The following SLC10A1 variants were observed in gnomAD, a reference collection of about 807,000 sequenced individuals.
SLC10A1 encodes solute carrier family 10 member 1.
Under a neutral mutation model 20.5 loss-of-function variants are expected in SLC10A1, and 36 were observed. The observed-to-expected ratio is 1.75, with a 90% CI of 1.34 to 2.32. The LOEUF (loss-of-function observed/expected upper bound fraction) is 2.32. SLC10A1 is among the 30% of genes most tolerant of loss of function. The probability of loss-of-function intolerance (pLI) is 0.00; values close to 1 mark genes in which losing one functional copy is unlikely to be tolerated. For missense variants in SLC10A1, 545 were observed against 439.1 expected (o/e 1.24, Z -2.16); for synonymous variants, 188 against 163.6 (o/e 1.15, Z -1.14).
intron 1 of SLC10A1, among the ~76,000 whole-genome samples, chr14:69,789,242 C>G (rs923513378): frequency 1.3e-5 from 2 of 152,186 alleles, no homozygotes; most frequent in African/African-American, 4.8e-5. Flanking sequence ...CATGTTCACA[C>G]AAAAACTTGC....
chr14:69,777,793 C>T (rs777216784), intron 4 of SLC10A1, among the ~76,000 whole-genome samples: 6 of 151,014 alleles, frequency 4.0e-5, no homozygotes, highest in Admixed American at 1.3e-4. Flanking sequence ...GTTTAACAAC[C>T]GTATGCTTAA....
At position 69,778,833 on chromosome 14, in the gene SLC10A1, G is replaced by A. The variant is rs180876096; in HGVS notation, c.747-304C>T. Among the ~76,000 whole-genome samples the A allele has an allele frequency of 7.9e-5, 12 of 152,250 alleles. No individual in the cohort carries two copies. In the East Asian group the frequency reaches 1.2e-3, roughly 15 times the overall value. ...TTCTTATTCGTTTCCTGAAAGACTAGGACAAGAATGAAGCCCATGGGACAG... is the reference window on the plus strand; with the variant it reads ...TTCTTATTCGTTTCCTGAAAGACTAAGACAAGAATGAAGCCCATGGGACAG... On this transcript the variant is annotated intron_variant, in intron 3 of 4. Transcript: ENST00000216540.
chr14:69,791,818 G>A (rs1462322732), intron 1 of SLC10A1, among the ~76,000 whole-genome samples: 1 of 152,170 alleles, frequency 6.6e-6, no homozygotes, highest in Non-Finnish European at 1.5e-5. Context: ...TATTTGTATG[G>A]AAAAGATAAA....
chr14:69,777,048 C>G (rs966735179), intron 4 of SLC10A1, among the ~76,000 whole-genome samples: 1 of 152,182 alleles, frequency 6.6e-6, no homozygotes, highest in Non-Finnish European at 1.5e-5. Flanking sequence ...AAGTTCTTTT[C>G]AAGTCTTGAG....
At chr14:69,783,345 G>C (rs1225829965) in intron 2 of SLC10A1, among the ~76,000 whole-genome samples, 1 of 152,222 alleles carries the variant, frequency 6.6e-6, no homozygotes, top group Non-Finnish European at 1.5e-5. Flanking sequence ...TCTTAATGCA[G>C]TGTAATAATT....
rs747238345 is a variant in SLC10A1 at position 69,797,076 on chromosome 14, A to T, written c.80T>A (p.Leu27Gln). The T allele has an allele frequency of 3.1e-6, 5 of 1,614,158 alleles. No individual in the cohort carries two copies. Among genetic ancestry groups the T allele is most frequent in the Non-Finnish European group, 4.2e-6 (5 of 1,180,022 alleles). Residue 27 changes from leucine (L) to glutamine (Q), a missense_variant, in exon 1 of 5, where the codon CTG (leucine) becomes CAG (glutamine). Physicochemically the swap from Leu to Gln is moderately radical, Grantham distance 113. Transcript: ENST00000216540. Reference protein sequence around the residue: ...NFGKRPTDLALSVILVFMLFF... With the variant: ...NFGKRPTDLAQSVILVFMLFF... The stretch of plus-strand genomic sequence containing the variant: ...CAACATGAACACCAGGATGACGCTC[A>T]GTGCCAGGTCTGTGGGGCGCTTGCC...
chr14:69,777,169 AAG>A (rs1426779484), intron 4 of SLC10A1, among the ~76,000 whole-genome samples: 1 of 152,186 alleles, frequency 6.6e-6, no homozygotes, highest in Non-Finnish European at 1.5e-5. Context: ...CACTTTTTGT[AAG>A]AGGGCAGCAA....
rs1179072696 is a variant in SLC10A1, at chr14:69,778,451, T to G, written c.825A>C (p.Pro275=). The change falls in exon 4 of 5, where the codon CCA becomes CCC. Residue 275 remains proline (P), a synonymous_variant. Coordinates refer to ENST00000216540, the MANE Select transcript of SLC10A1 (RefSeq NM_003049.4). ...LCSTILNVAF[P]PEVIGPLFFF... ...AGAAAAGTGGTCCAATGACTTCAGG[T>G]GGAAAGGCCACATTGAGGATGGTGG... is the stretch of plus-strand genomic sequence containing the variant. 1 of 1,613,938 alleles carries G rather than the reference T, an allele frequency of 6.2e-7. No individual in the cohort carries two copies. The highest frequency in any genetic ancestry group is 1.1e-5 in the South Asian group (1 of 91,066).
chr14:69,780,060 T>G (rs1227919781), intron 2 of SLC10A1, among the ~76,000 whole-genome samples: 1 of 152,230 alleles, frequency 6.6e-6, no homozygotes, highest in Non-Finnish European at 1.5e-5. Context: ...AAATACGGTT[T>G]TAAACCCAAA....
intron 4 of SLC10A1, 139 bp downstream of exon 4, chr14:69,778,194 T>G (rs1594759937): frequency 6.3e-6 from 4 of 631,612 alleles, no homozygotes; most frequent in South Asian, 5.7e-5. Flanking sequence ...CTTGGGTGCT[T>G]CTTGGGGCTA....
chr14:69,795,560 A>G (rs1478962890), intron 1 of SLC10A1, among the ~76,000 whole-genome samples: 2 of 151,888 alleles, frequency 1.3e-5, no homozygotes, highest in African/African-American at 4.8e-5. Flanking sequence ...ATGTGCCACT[A>G]TGCCTGGCTA....
chr14:69,776,230 A>C lies in SLC10A1; in HGVS notation c.*52T>G. On this transcript the variant is annotated 3_prime_UTR_variant, in exon 5 of 5. Transcript: ENST00000216540. ...TTTGCTGCTCTCTCTAGTTTACCAC[A>C]CTGGCTTTCAGAATTGCTTTGGGAC... 4.4e-6 allele frequency: 6 copies of C among 1,376,340 alleles called. No homozygotes were observed. In the South Asian group the frequency reaches 7.1e-5, roughly 16 times the overall value. The allele number at this position is 1,376,340 out of a possible 1,614,324, so 85.3% of individuals were successfully genotyped here. A position where few individuals can be genotyped will look rare whatever the true frequency, so the allele number is the denominator to read the frequency against.
At chr14:69,783,020 ATTCT>A (rs1279277728) in intron 2 of SLC10A1, among the ~76,000 whole-genome samples, 1 of 152,172 alleles carries the variant, frequency 6.6e-6, no homozygotes, top group Non-Finnish European at 1.5e-5. Flanking sequence ...ACATTTTAAT[ATTCT>A]TTATATTTTA....
At chr14:69,781,244 T>G (rs1025467330) in intron 2 of SLC10A1, among the ~76,000 whole-genome samples, 4 of 152,186 alleles carry the variant, frequency 2.6e-5, no homozygotes, top group African/African-American at 9.7e-5. Context: ...CTCTGGAAAT[T>G]TATCCTGTCT....
Position 69,779,342 on chromosome 14 carries a change from G to A in SLC10A1, c.586C>T (p.Leu196Phe). ...ACTGTGACGGCCACACTGCACAAGA[G>A]AATGATGATCATCCCTCCCTGGGAA... Reference protein sequence around the residue: ...YVIKGGMIIILLCSVAVTVLS... With the variant: ...YVIKGGMIIIFLCSVAVTVLS... The change falls in exon 3 of 5, where the codon CTC becomes TTC. Residue 196 changes from leucine (L) to phenylalanine (F), a missense_variant. Transcript: ENST00000216540. The A allele has an allele frequency of 1.2e-6, 2 of 1,611,538 alleles. No homozygotes were observed. The highest frequency in any genetic ancestry group is 1.7e-6 in the Non-Finnish European group (2 of 1,178,112).
chr14:69,778,701 G>A (rs146982168), intron 3 of SLC10A1, among the ~76,000 whole-genome samples, 172 bp from the exon 4 acceptor site: 253 of 152,250 alleles, frequency 1.7e-3, no homozygotes, highest in African/African-American at 5.7e-3. Context: ...TTTTTAACCC[G>A]TTCAATACCT....
At chr14:69,786,371 GTGCC>G (rs1883714923) in intron 1 of SLC10A1, 64 bp from the exon 2 acceptor site, 8 of 1,392,652 alleles carry the variant, frequency 5.7e-6, no homozygotes, top group Non-Finnish European at 8.1e-6. Flanking sequence ...ATTTTGTTGA[GTGCC>G]TGCTAAGTGC....
At chr14:69,777,029 CTG>C (rs992161617) in intron 4 of SLC10A1, among the ~76,000 whole-genome samples, 2 of 152,192 alleles carry the variant, frequency 1.3e-5, no homozygotes, top group Non-Finnish European at 2.9e-5. Flanking sequence ...CTGAGATACA[CTG>C]TGAGGAAAGT....
Position 69,778,529 on chromosome 14 carries a change from C to T in SLC10A1, c.747G>A (p.Arg249=), listed in dbSNP as rs201049760. The change falls in exon 4 of 5, where the codon CGG becomes CGA. Residue 249 remains arginine (R), a splice_region_variant and synonymous_variant. Transcript: ENST00000216540. ...TCTCCATGCTGACAGTGCGTCTGCA[C>T]CTGTGCCGGTGAAGAAAACCCCACA... ...VLSALFCLNG[R]CRRTVSMETG... is the part of the protein sequence containing the mutation. 6 of 1,592,976 alleles carry T rather than the reference C, an allele frequency of 3.8e-6. No individual in the cohort carries two copies. Among genetic ancestry groups the T allele is most frequent in the Admixed American group, 1.8e-5 (1 of 56,348 alleles).
Sources: gnomAD v4.1 joint callset for allele counts (sites outside exome capture counted in the v4.1 genomes callset) on GRCh38, gnomAD v4.1.1 for gene constraint, MANE v1.5 for transcripts, NCBI Gene and HGNC (gene_info 2026-07-23, HGNC 2026-07-21) for gene names.